The following ARFGEF1 variants were observed in gnomAD, a reference collection of about 807,000 sequenced individuals.
ARFGEF1 encodes ARF guanine nucleotide exchange factor 1, also known as brefeldin A-inhibited guanine nucleotide-exchange protein 1.
In ARFGEF1, 42 loss-of-function variants were observed where a neutral mutation model predicts 231.0. The observed-to-expected ratio is 0.18, with a 90% CI of 0.14 to 0.24. The LOEUF (loss-of-function observed/expected upper bound fraction) is 0.24. ARFGEF1 is among the 10% of genes least tolerant of loss of function. The pLI, the probability that ARFGEF1 is intolerant of heterozygous loss-of-function variation, is 1.00. For missense variants in ARFGEF1, 1,345 were observed against 2,192.0 expected, an observed-to-expected ratio of 0.61 and a Z score of 7.72; for synonymous variants, 710 against 732.3, an observed-to-expected ratio of 0.97 and a Z score of 0.49.
chr8:67,195,861 C>G (rs1344333023), downstream of ARFGEF1: 2 of 353,126 alleles, frequency 5.7e-6, no homozygotes, highest in East Asian at 1.1e-4. Flanking sequence ...ACTATATGTG[C>G]ATTATATTGA....
intron 10 of ARFGEF1, 99 bp from the exon 11 acceptor site, chr8:67,267,541 C>A (rs1405922192): frequency 2.7e-6 from 2 of 727,982 alleles, no homozygotes; most frequent in East Asian, 2.7e-5. Flanking sequence ...GTATTAGGAC[C>A]CAGGCTCTTA....
chr8:67,252,321 A>G (rs1840314862), intron 18 of ARFGEF1, among the ~76,000 whole-genome samples: 1 of 149,080 alleles, frequency 6.7e-6, no homozygotes, highest in Non-Finnish European at 1.5e-5. Context: ...AGGCAATGGC[A>G]TCTTTGTACC....
chr8:67,279,346 T>C (rs891496148), intron 7 of ARFGEF1, among the ~76,000 whole-genome samples: 5 of 152,196 alleles, frequency 3.3e-5, no homozygotes, highest in Admixed American at 1.3e-4. Context: ...TCCCTGTCTC[T>C]TGCAGCACCA....
chr8:67,334,887 T>C (rs1808272458), intron 1 of ARFGEF1, among the ~76,000 whole-genome samples: 2 of 152,164 alleles, frequency 1.3e-5, no homozygotes, highest in East Asian at 3.9e-4. Flanking sequence ...TGCCAGAAGC[T>C]AGGGATGACA....
intron 33 of ARFGEF1, among the ~76,000 whole-genome samples, chr8:67,213,973 G>T (rs957183245): frequency 1.3e-5 from 2 of 152,214 alleles, no homozygotes; most frequent in African/African-American, 4.8e-5. Context: ...GAATGTGGCT[G>T]TAACAAACAC....
chr8:67,326,044 T>G (rs968304904), intron 1 of ARFGEF1, among the ~76,000 whole-genome samples: 3 of 151,838 alleles, frequency 2.0e-5, no homozygotes, highest in Non-Finnish European at 4.4e-5. Context: ...ACTAAAAATA[T>G]AAAAATTAGC....
chr8:67,300,234 A>C lies in ARFGEF1; in HGVS notation c.313-879T>G, dbSNP rs147801815. ...TGAAAACAAGATCACAATTCAGATG[A>C]ACTTATCTTTAACCTATCCTTAAGG... On this transcript the variant is annotated intron_variant, in intron 3 of 38. Transcript: ENST00000262215. 1.4e-4 allele frequency among the ~76,000 whole-genome samples: 21 copies of C among 152,314 alleles called. No homozygotes were observed. The East Asian group carries it at 3.7e-3, about 27-fold the overall frequency.
intron 14 of ARFGEF1, among the ~76,000 whole-genome samples, chr8:67,265,444 A>G (rs1417001526): frequency 6.6e-6 from 1 of 152,182 alleles, no homozygotes; most frequent in African/African-American, 2.4e-5. Flanking sequence ...GGAAGGCAGC[A>G]TGGTGACATT....
intron 1 of ARFGEF1, among the ~76,000 whole-genome samples, chr8:67,304,509 C>A (rs1390018312): frequency 6.6e-6 from 1 of 152,192 alleles, no homozygotes; most frequent in Non-Finnish European, 1.5e-5. Flanking sequence ...CAGATACAAT[C>A]AAAAATAATC....
At chr8:67,201,638 G>C (rs767004682) in intron 36 of ARFGEF1, 33 bp from the exon 37 acceptor site, 8 of 1,611,740 alleles carry the variant, frequency 5.0e-6, no homozygotes, top group African/African-American at 1.3e-5. Context: ...GGATTAGTTT[G>C]GGAAGGCATC....
chr8:67,277,582 A>G (rs1817228), intron 7 of ARFGEF1, 125 bp from the exon 8 acceptor site: 2 of 824,742 alleles, frequency 2.4e-6, no homozygotes, highest in Non-Finnish European at 3.7e-6. Context: ...ATGTATTGGC[A>G]CCATTTAAAG....
intron 4 of ARFGEF1, 82 bp downstream of exon 4, chr8:67,299,127 T>G: frequency 7.9e-7 from 1 of 1,269,474 alleles, no homozygotes; most frequent in Non-Finnish European, 1.1e-6. Context: ...AAAATGATCT[T>G]TCCTAATGTT....
intron 34 of ARFGEF1, chr8:67,207,310 G>GT (rs888717986): frequency 6.6e-6 from 1 of 152,126 alleles, no homozygotes; most frequent in African/African-American, 2.4e-5. Flanking sequence ...CAGTTCCAAC[G>GT]TGAGTTGCTC....
intron 23 of ARFGEF1, among the ~76,000 whole-genome samples, chr8:67,228,612 T>C (rs547857459): frequency 3.9e-5 from 6 of 152,228 alleles, no homozygotes; most frequent in African/African-American, 1.4e-4. Context: ...CTACAGATTC[T>C]TTCCTGATTA....
chr8:67,201,725 C>T (rs901928231), intron 36 of ARFGEF1, 120 bp from the exon 37 acceptor site: 8 of 1,334,758 alleles, frequency 6.0e-6, no homozygotes, highest in African/African-American at 3.0e-5. Context: ...GCTTACAAAA[C>T]GGAGCCACAG....
chr8:67,309,706 C>T (rs1806906266), intron 1 of ARFGEF1, among the ~76,000 whole-genome samples: 1 of 152,146 alleles, frequency 6.6e-6, no homozygotes, highest in Non-Finnish European at 1.5e-5. Context: ...ACTTTTTGCT[C>T]ATTAGCATCA....
chr8:67,282,321 A>T (rs116045807), intron 7 of ARFGEF1, among the ~76,000 whole-genome samples: 2,306 of 152,270 alleles, frequency 0.015, 64 homozygotes, highest in African/African-American at 0.053. Context: ...TTGAGAAATG[A>T]TTATTTCTAT....
chr8:67,324,509 A>G (rs966359419), intron 1 of ARFGEF1, among the ~76,000 whole-genome samples: 1 of 152,222 alleles, frequency 6.6e-6, no homozygotes, highest in African/African-American at 2.4e-5. Flanking sequence ...CCTGAAGTCC[A>G]GAGTGATTCC....
At chr8:67,282,478 C>T (rs1349742153) in intron 7 of ARFGEF1, among the ~76,000 whole-genome samples, 2 of 152,210 alleles carry the variant, frequency 1.3e-5, no homozygotes, top group South Asian at 2.1e-4. Flanking sequence ...AATCCATTTT[C>T]AGCAAGACAA....
Sources: gnomAD v4.1 joint callset for allele counts (sites outside exome capture counted in the v4.1 genomes callset) on GRCh38, gnomAD v4.1.1 for gene constraint, MANE v1.5 for transcripts, NCBI Gene and HGNC (gene_info 2026-07-23, HGNC 2026-07-21) for gene names.